EDEM2: variants seen among roughly 807,000 people sequenced by gnomAD.
EDEM2 encodes ER degradation enhancing alpha-mannosidase like protein 2.
In EDEM2, 39 loss-of-function variants were observed where a neutral mutation model predicts 64.8. The observed-to-expected ratio is 0.60, with a 90% CI of 0.47 to 0.79. EDEM2 has a LOEUF of 0.79. Ranked by LOEUF, EDEM2 falls within the 30% of genes least tolerant of loss-of-function variation. The pLI, the probability that EDEM2 is intolerant of heterozygous loss-of-function variation, is 0.00. For synonymous variants in EDEM2, 296 were observed against 291.5 expected (o/e 1.02, Z -0.16); for missense variants, 609 against 731.3 (o/e 0.83, Z 1.93).
intron 3 of EDEM2, among the ~76,000 whole-genome samples, chr20:35,143,592 T>C (rs1482035824): frequency 6.6e-6 from 1 of 152,188 alleles, no homozygotes; most frequent in Non-Finnish European, 1.5e-5. Flanking sequence ...TCTCAATCTC[T>C]CTTCTTTTGA....
rs550719472 is a variant in EDEM2 at position 35,132,608 on chromosome 20, C to T, written c.703-825G>A. Among the ~76,000 whole-genome samples the T allele has an allele frequency of 9.2e-4, 140 of 152,192 alleles. 1 individual carries two copies. Among genetic ancestry groups the T allele is most frequent in the Non-Finnish European group, 1.6e-3 (110 of 67,998 alleles). On this transcript the variant is annotated intron_variant, in intron 6 of 10. Transcript: ENST00000374492. ...GGGGGAGGTTGCAGTGAGCCGAGATCGTGCCACTGCACTCCAGCCTGGGCG... is the reference window on the plus strand; with the variant it reads ...GGGGGAGGTTGCAGTGAGCCGAGATTGTGCCACTGCACTCCAGCCTGGGCG...
chr20:35,132,590 G>A (rs909512022), intron 6 of EDEM2, among the ~76,000 whole-genome samples: 2 of 152,156 alleles, frequency 1.3e-5, no homozygotes, highest in African/African-American at 4.8e-5. Context: ...AGAGGGGGAG[G>A]TTGCAGTGAG....
intron 8 of EDEM2, among the ~76,000 whole-genome samples, chr20:35,124,566 C>A (rs943109228): frequency 6.6e-6 from 1 of 151,958 alleles, no homozygotes; most frequent in African/African-American, 2.4e-5. Flanking sequence ...GGGGGTCTCA[C>A]TTTGTTGCCC....
At chr20:35,117,987 C>T (rs1446385058) in intron 10 of EDEM2, among the ~76,000 whole-genome samples, 3 of 152,110 alleles carry the variant, frequency 2.0e-5, no homozygotes, top group Admixed American at 6.5e-5. Flanking sequence ...CCCTGCCTAC[C>T]TCTGGGACCT....
intron 8 of EDEM2, 145 bp downstream of exon 8, chr20:35,126,106 T>C: frequency 9.4e-7 from 1 of 1,067,596 alleles, no homozygotes; most frequent in Non-Finnish European, 1.3e-6. Context: ...TCTAATTCAC[T>C]CTAGGTCTCT....
intron 7 of EDEM2, among the ~76,000 whole-genome samples, chr20:35,128,960 G>T (rs2085472447): frequency 7.2e-6 from 1 of 139,504 alleles, no homozygotes; most frequent in Non-Finnish European, 1.5e-5. Flanking sequence ...GTTACAGTAA[G>T]CTAACGTTAA....
At chr20:35,145,047 TAGTA>T in intron 2 of EDEM2, 29 bp from the exon 3 acceptor site, 1 of 1,613,304 alleles carries the variant, frequency 6.2e-7, no homozygotes, top group Admixed American at 1.7e-5. Flanking sequence ...CCCAGCCGCT[TAGTA>T]AGAAAATCAA....
chr20:35,131,827 G>T (rs2085509892), intron 6 of EDEM2, 44 bp from the exon 7 acceptor site: 1 of 1,596,652 alleles, frequency 6.3e-7, no homozygotes, highest in South Asian at 1.1e-5. Context: ...AAGGCCGATG[G>T]CCAAAGAAGG....
chr20:35,147,232 G>A lies in EDEM2; in HGVS notation c.27C>T (p.Leu9=), dbSNP rs752539530. MPFRLLIP[L]GLLCALLPQH... is the part of the protein sequence containing the mutation. ...GAGGCAGCAGCGCGCACAGGAGGCC[G>A]AGCGGGATGAGCAGCCGGAAAGGCA... The change falls in exon 1 of 11, where the codon CTC becomes CTT. Residue 9 remains leucine, a synonymous_variant. Transcript: ENST00000374492. 6 of 1,594,816 alleles carry A rather than the reference G, an allele frequency of 3.8e-6. No homozygotes were observed. Among genetic ancestry groups the A allele is most frequent in the Middle Eastern group, 1.7e-4 (1 of 5,950 alleles).
chr20:35,139,749 T>C (rs1050831232), intron 4 of EDEM2, among the ~76,000 whole-genome samples: 1 of 151,806 alleles, frequency 6.6e-6, no homozygotes, highest in Non-Finnish European at 1.5e-5. Flanking sequence ...TGATCTCGAA[T>C]GCAGCCAGAA....
chr20:35,129,640 G>T (rs951626603), intron 7 of EDEM2, among the ~76,000 whole-genome samples: 1 of 151,898 alleles, frequency 6.6e-6, no homozygotes, highest in African/African-American at 2.4e-5. Context: ...TAGCCTAAGT[G>T]TACAGTATTT....
At chr20:35,127,585 A>G (rs899484771) in intron 7 of EDEM2, among the ~76,000 whole-genome samples, 1 of 152,258 alleles carries the variant, frequency 6.6e-6, no homozygotes, top group African/African-American at 2.4e-5. Context: ...ATGCAAATAA[A>G]TAAGATAATC....
chr20:35,142,472 C>T lies in EDEM2; in HGVS notation c.265G>A (p.Gly89Arg). ...ACTCTTTGGAATTCTGAGACATTCC[C>T]CAAAATCTGGAAATAAAAAAGAGAC... ...IDALDTLLILGNVSEFQRVVE... is the reference protein window; with the variant it reads ...IDALDTLLILRNVSEFQRVVE... The change falls in exon 4 of 11, where the codon GGG becomes AGG. Residue 89 changes from glycine to arginine, a missense_variant. By Grantham distance (125) the Gly-to-Arg change is moderately radical. Transcript: ENST00000374492. 1.9e-6 allele frequency: 3 copies of T among 1,612,904 alleles called. No homozygotes were observed. The highest frequency in any genetic ancestry group is 2.5e-6 in the Non-Finnish European group (3 of 1,179,516).
At chr20:35,126,899 TGAAACTCC>T (rs1419023601) in intron 7 of EDEM2, among the ~76,000 whole-genome samples, 1 of 151,738 alleles carries the variant, frequency 6.6e-6, no homozygotes, top group Non-Finnish European at 1.5e-5. Flanking sequence ...GCAACAAGAG[TGAAACTCC>T]ATCTCAAAAA....
At chr20:35,143,593 CTT>C (rs1273580396) in intron 3 of EDEM2, among the ~76,000 whole-genome samples, 4 of 152,318 alleles carry the variant, frequency 2.6e-5, no homozygotes, top group African/African-American at 9.6e-5. Context: ...CTCAATCTCT[CTT>C]CTTTTGATAG....
chr20:35,138,155 A>G, intron 4 of EDEM2, 150 bp from the exon 5 acceptor site: 2 of 1,156,856 alleles, frequency 1.7e-6, no homozygotes, highest in Non-Finnish European at 2.4e-6. Context: ...GTAAAAACAA[A>G]CAAACAAAAA....
At chr20:35,127,866 G>A (rs976869550) in intron 7 of EDEM2, among the ~76,000 whole-genome samples, 6 of 152,086 alleles carry the variant, frequency 3.9e-5, no homozygotes, top group Non-Finnish European at 5.9e-5. Flanking sequence ...TTATAATAGA[G>A]GTGAAAAATC....
At chr20:35,133,922 C>A (rs377093369) in intron 6 of EDEM2, among the ~76,000 whole-genome samples, 3 of 152,172 alleles carry the variant, frequency 2.0e-5, no homozygotes, top group Admixed American at 1.3e-4. Flanking sequence ...AATATATTAA[C>A]GTTACTGCTG....
Position 35,147,212 on chromosome 20 carries a change from A to C in EDEM2, c.47T>G (p.Leu16Arg). 1.9e-6 allele frequency: 3 copies of C among 1,601,704 alleles called. No individual in the cohort carries two copies. The highest frequency in any genetic ancestry group is 2.6e-6 in the Non-Finnish European group (3 of 1,172,434). Residue 16 changes from leucine (L) to arginine (R), a missense_variant, in exon 1 of 11, where the codon CTG becomes CGG. Coordinates refer to ENST00000374492, the MANE Select transcript of EDEM2 (RefSeq NM_018217.3). ...LIPLGLLCALLPQHHGAPGPD... is the reference protein window; with the variant it reads ...LIPLGLLCALRPQHHGAPGPD... ...ACCTGGCGCACCATGGTGCTGAGGC[A>C]GCAGCGCGCACAGGAGGCCGAGCGG...
Sources: allele counts gnomAD v4.1 joint callset (sites outside exome capture counted in the v4.1 genomes callset), GRCh38; gene constraint gnomAD v4.1.1; transcripts MANE v1.5; gene names NCBI Gene and HGNC (gene_info 2026-07-23, HGNC 2026-07-21).